The following NTM variants were observed in gnomAD, a reference collection of about 807,000 sequenced individuals.
NTM encodes IgLON family member 2.
In NTM, 13 loss-of-function variants were observed where a neutral mutation model predicts 42.1. The ratio of observed to expected loss-of-function variants is 0.31; its 90% CI spans 0.20 to 0.49. The LOEUF is 0.49. Among genes scored for constraint, NTM ranks in the 20% least tolerant of loss-of-function variants. The probability of loss-of-function intolerance (pLI) is 0.99; values close to 1 mark genes in which losing one functional copy is unlikely to be tolerated. For missense variants in NTM, 373 were observed against 452.8 expected (o/e 0.82, Z 1.60); for synonymous variants, 187 against 179.2 (o/e 1.04, Z -0.35).
At chr11:131,817,827 G>A (rs978651238) in intron 1 of NTM, among the ~76,000 whole-genome samples, 5 of 152,216 alleles carry the variant, frequency 3.3e-5, no homozygotes, top group Admixed American at 1.3e-4. Context: ...TAGACTCATC[G>A]CAGCCCCTGT....
At chr11:131,966,634 T>G (rs115010556) in intron 2 of NTM, among the ~76,000 whole-genome samples, 2,630 of 152,250 alleles carry the variant, frequency 0.017, 71 homozygotes, top group African/African-American at 0.061. Context: ...GAAGTGGACC[T>G]GGAGTGTCCA....
chr11:131,684,998 G>C lies in NTM; in HGVS notation c.83-226566G>C, dbSNP rs961763844. ...AGAGCCCAGAAGGAAGACCCACTCC[G>C]AGCTGCTCAGGGCTGGGATAGGACC... On this transcript the variant is annotated intron_variant, in intron 1 of 8. Coordinates refer to ENST00000683400, the MANE Select transcript of NTM (RefSeq NM_001352005.2). Among the ~76,000 whole-genome samples the C allele has an allele frequency of 2.6e-5, 4 of 152,246 alleles. No individual in the cohort carries two copies. In the South Asian group the frequency reaches 8.3e-4, roughly 32 times the overall value.
At chr11:131,672,716 A>T (rs976133373) in intron 1 of NTM, among the ~76,000 whole-genome samples, 2 of 152,184 alleles carry the variant, frequency 1.3e-5, no homozygotes, top group African/African-American at 4.8e-5. Context: ...CCTGGTACAT[A>T]GTAGGGCCTC....
intron 4 of NTM, among the ~76,000 whole-genome samples, chr11:132,222,251 C>T (rs2085320673): frequency 6.6e-6 from 1 of 152,298 alleles, no homozygotes; most frequent in African/African-American, 2.4e-5. Context: ...TTTCTCTTTC[C>T]TCTCTTCCAC....
chr11:132,080,327 C>T (rs1448853524), intron 2 of NTM, among the ~76,000 whole-genome samples: 4 of 152,332 alleles, frequency 2.6e-5, no homozygotes, highest in Admixed American at 2.6e-4. Flanking sequence ...CCAGCTGTGC[C>T]CACATGGCCC....
chr11:132,097,164 A>G (rs10736603), intron 2 of NTM, among the ~76,000 whole-genome samples: 107,841 of 152,142 alleles, frequency 0.71, 39,037 homozygotes, highest in African/African-American at 0.81. Flanking sequence ...CTTAAGACAT[A>G]TGTACCCCTT....
chr11:131,410,134 G>A (rs560752673), intron 1 of NTM, among the ~76,000 whole-genome samples: 19 of 152,188 alleles, frequency 1.2e-4, no homozygotes, highest in African/African-American at 4.1e-4. Context: ...GTCCTATTGG[G>A]TTCAGGGTTT....
chr11:131,451,005 C>T (rs547098110), intron 1 of NTM, among the ~76,000 whole-genome samples: 3 of 152,168 alleles, frequency 2.0e-5, no homozygotes, highest in East Asian at 1.9e-4. Context: ...AAGTTATGCC[C>T]ATTTCACACA....
chr11:132,312,440 G>A (rs1298482557), intron 6 of NTM: 2 of 152,398 alleles, frequency 1.3e-5, no homozygotes, highest in Admixed American at 6.5e-5. Context: ...CCATCCAACA[G>A]GGGCATTGAC....
At chr11:132,155,484 C>T (rs75877997) in intron 3 of NTM, among the ~76,000 whole-genome samples, 9,501 of 152,240 alleles carry the variant, frequency 0.062, 465 homozygotes, top group Middle Eastern at 0.14. Flanking sequence ...GGTCCCTGTT[C>T]CCAGAAACCG....
At chr11:131,477,012 G>C (rs979386279) in intron 1 of NTM, among the ~76,000 whole-genome samples, 5 of 152,106 alleles carry the variant, frequency 3.3e-5, no homozygotes, top group Non-Finnish European at 5.9e-5. Context: ...TGTTTTAACA[G>C]AGTGATAATA....
At chr11:131,927,572 A>T (rs2058100798) in intron 2 of NTM, among the ~76,000 whole-genome samples, 1 of 152,220 alleles carries the variant, frequency 6.6e-6, no homozygotes, top group African/African-American at 2.4e-5. Context: ...CATGCACTTG[A>T]CTGTTGCCAC....
chr11:132,086,323 C>CAAA lies in NTM; in HGVS notation c.168-59943_168-59941dup, dbSNP rs71067358. Among the ~76,000 whole-genome samples, 143 of 98,954 alleles carry CAAA rather than the reference C, an allele frequency of 1.4e-3. 4 individuals carry two copies. The highest frequency in any genetic ancestry group is 4.5e-3 in the African/African-American group (123 of 27,566). 64.9% of individuals were successfully genotyped at this position (98,954 alleles called of 152,430 possible). On this transcript the variant is annotated intron_variant, in intron 2 of 8. Coordinates refer to ENST00000683400, the MANE Select transcript of NTM (RefSeq NM_001352005.2). ...TGGATGACAGAGCAAGACTCCATGT[C>CAAA]AAAAAAAAAAAAAAAAAATAGTGGC...
chr11:131,990,298 G>A (rs956607229), intron 2 of NTM, among the ~76,000 whole-genome samples: 1 of 152,258 alleles, frequency 6.6e-6, no homozygotes, highest in Admixed American at 6.5e-5. Flanking sequence ...ATATGTAAGT[G>A]TGTGGATGAT....
chr11:132,232,314 G>A (rs967195012), intron 4 of NTM, among the ~76,000 whole-genome samples: 8 of 152,180 alleles, frequency 5.3e-5, no homozygotes, highest in Non-Finnish European at 8.8e-5. Context: ...AAAAGAGGAG[G>A]AGAGAAAGCA....
intron 1 of NTM, among the ~76,000 whole-genome samples, chr11:131,743,019 TAGCTTTGTTTGATTGTTC>T (rs2081372189): frequency 6.6e-6 from 1 of 152,216 alleles, no homozygotes; most frequent in Admixed American, 6.5e-5. Context: ...CTGAGGTCTT[TAGCTTTGTTTGATTGTTC>T]AGTTCAATTA....
chr11:131,884,736 T>C (rs1334070119), intron 1 of NTM, among the ~76,000 whole-genome samples: 1 of 152,212 alleles, frequency 6.6e-6, no homozygotes, highest in Non-Finnish European at 1.5e-5. Context: ...CATCCTATCT[T>C]GAGCTGGTGA....
intron 1 of NTM, among the ~76,000 whole-genome samples, chr11:131,589,838 G>A (rs1489992743): frequency 2.6e-5 from 4 of 152,164 alleles, no homozygotes; most frequent in Non-Finnish European, 4.4e-5. Context: ...CTGGAGGTGT[G>A]AGGCTTATAT....
intron 1 of NTM, chr11:131,909,871 C>T (rs1467067949): frequency 1.3e-5 from 2 of 152,164 alleles, no homozygotes; most frequent in East Asian, 3.9e-4. Context: ...GTGTGAGGCC[C>T]AGGAAACCTG....
Sources: allele counts gnomAD v4.1 joint callset (sites outside exome capture counted in the v4.1 genomes callset), GRCh38; gene constraint gnomAD v4.1.1; transcripts MANE v1.5; gene names NCBI Gene and HGNC (gene_info 2026-07-23, HGNC 2026-07-21).